TBC1D15: variants seen among roughly 807,000 people sequenced by gnomAD.
TBC1D15 encodes TBC1 domain family member 15, also known as GAP for RAB7.
A neutral mutation model predicts 95.4 loss-of-function variants in TBC1D15; 39 were observed. That is an observed-to-expected ratio of 0.41 (90% CI 0.32 to 0.53). TBC1D15 has a LOEUF of 0.53. Among genes scored for constraint, TBC1D15 ranks in the 20% least tolerant of loss-of-function variants. The pLI is 0.29. For missense variants in TBC1D15, 733 were observed against 794.3 expected (o/e 0.92, Z 0.93); for synonymous variants, 258 against 261.3 (o/e 0.99, Z 0.12).
chr12:71,898,570 G>A lies in TBC1D15; in HGVS notation c.1183+629G>A, dbSNP rs187687259. On this transcript the variant is annotated intron_variant, in intron 10 of 16. Coordinates refer to ENST00000485960, the MANE Select transcript of TBC1D15 (RefSeq NM_001146213.3). ...AATCTCCATTTACAAATGAGAAACT[G>A]AAGCATGGAGAACATAAATGACCTG... Among the ~76,000 whole-genome samples, 1,113 of 152,220 alleles carry A rather than the reference G, an allele frequency of 7.3e-3. 5 individuals carry two copies. Among genetic ancestry groups the A allele is most frequent in the Middle Eastern group, 0.02 (6 of 294 alleles).
At chr12:71,843,264 T>G (rs973811487) in intron 1 of TBC1D15, among the ~76,000 whole-genome samples, 1 of 152,092 alleles carries the variant, frequency 6.6e-6, no homozygotes, top group Non-Finnish European at 1.5e-5. Context: ...ATACTGTGTT[T>G]CAAAAAATGA....
chr12:71,880,737 T>C lies in TBC1D15; in HGVS notation c.343+130T>C. On this transcript the variant is annotated intron_variant, in intron 4 of 16. Transcript: ENST00000485960. ...AATTTCTTTGGTTAATAGGTATAAATCTCATATTTTAGTTATATTCCCTTT... is the reference window on the plus strand; with the variant it reads ...AATTTCTTTGGTTAATAGGTATAAACCTCATATTTTAGTTATATTCCCTTT... 5 of 1,043,192 alleles carry C rather than the reference T, an allele frequency of 4.8e-6. No individual in the cohort carries two copies. In the South Asian group the frequency reaches 1.4e-4, roughly 30 times the overall value. 64.6% of individuals were successfully genotyped at this position (1,043,192 alleles called of 1,614,324 possible).
chr12:71,857,275 G>T (rs1170588579), intron 1 of TBC1D15, among the ~76,000 whole-genome samples: 1 of 151,930 alleles, frequency 6.6e-6, no homozygotes, highest in Admixed American at 6.6e-5. Flanking sequence ...TTGCGTTAGA[G>T]ATCATGAATA....
intron 3 of TBC1D15, among the ~76,000 whole-genome samples, chr12:71,878,126 G>A (rs1035840609): frequency 2.0e-5 from 3 of 152,150 alleles, no homozygotes; most frequent in African/African-American, 7.2e-5. Context: ...AGCTTGGATG[G>A]CAGTATTCTG....
At chr12:71,908,429 G>A (rs914275391) in intron 11 of TBC1D15, among the ~76,000 whole-genome samples, 5 of 152,184 alleles carry the variant, frequency 3.3e-5, no homozygotes, top group Non-Finnish European at 7.4e-5. Context: ...AGTAACGCTT[G>A]AGACATCCTT....
At chr12:71,873,546 TTTTTTGTGTGAA>T (rs1565984529) in intron 3 of TBC1D15, among the ~76,000 whole-genome samples, 2 of 152,148 alleles carry the variant, frequency 1.3e-5, no homozygotes, top group East Asian at 3.8e-4. Flanking sequence ...CATGTGCAGG[TTTTTTGTGTGAA>T]CATGTTTTTA....
chr12:71,862,813 C>T (rs1229764481), intron 1 of TBC1D15, among the ~76,000 whole-genome samples: 3 of 152,138 alleles, frequency 2.0e-5, no homozygotes, highest in Non-Finnish European at 2.9e-5. Context: ...TCTGCTCTAG[C>T]AATGAGTTTT....
intron 3 of TBC1D15, among the ~76,000 whole-genome samples, chr12:71,878,226 T>C (rs944961548): frequency 1.3e-5 from 2 of 151,772 alleles, no homozygotes; most frequent in African/African-American, 4.8e-5. Context: ...CAGTATATTA[T>C]TCCTTTGCTC....
At chr12:71,869,470 C>T (rs1892205243) in intron 1 of TBC1D15, among the ~76,000 whole-genome samples, 1 of 152,164 alleles carries the variant, frequency 6.6e-6, no homozygotes, top group Non-Finnish European at 1.5e-5. Flanking sequence ...TTGCAGTGAG[C>T]TGAAATTGTG....
chr12:71,896,869 A>T (rs1337890725), intron 9 of TBC1D15, 89 bp downstream of exon 9: 1 of 914,666 alleles, frequency 1.1e-6, no homozygotes, highest in East Asian at 2.8e-5. Context: ...GAGGATTTGG[A>T]ATAGACTGGG....
chr12:71,840,424 A>G (rs923108491), intron 1 of TBC1D15, among the ~76,000 whole-genome samples: 1 of 152,160 alleles, frequency 6.6e-6, no homozygotes, highest in African/African-American at 2.4e-5. Flanking sequence ...AAGGCGTCCA[A>G]ATATTTATTT....
At chr12:71,915,995 G>A (rs553749892) in intron 12 of TBC1D15, among the ~76,000 whole-genome samples, 5 of 151,990 alleles carry the variant, frequency 3.3e-5, no homozygotes, top group Admixed American at 6.6e-5. Context: ...TGAACCTAAC[G>A]TCTGTAAATT....
chr12:71,865,907 T>C (rs1187415987), intron 1 of TBC1D15, among the ~76,000 whole-genome samples: 1 of 151,958 alleles, frequency 6.6e-6, no homozygotes, highest in East Asian at 1.9e-4. Context: ...GGACGGAAGG[T>C]GCCACTTCAG....
Position 71,921,433 on chromosome 12 carries a change from T to C in TBC1D15, c.1782T>C (p.Ser594=). 1 of 1,567,392 alleles carries C rather than the reference T, an allele frequency of 6.4e-7. No homozygotes were observed. Among genetic ancestry groups the C allele is most frequent in the Non-Finnish European group, 8.7e-7 (1 of 1,150,392 alleles). ...EDILCKAEAI[S]LQMVKCKELP... ...TACTCTGCAAGGCAGAAGCAATTTC[T>C]CTACAGATGGTAAAATGCAAGGTAT... Residue 594 remains serine, a synonymous_variant, in exon 16 of 17, where the codon TCT becomes TCC. Coordinates refer to ENST00000485960, the MANE Select transcript of TBC1D15 (RefSeq NM_001146213.3).
intron 14 of TBC1D15, among the ~76,000 whole-genome samples, chr12:71,919,382 T>C (rs1458707104): frequency 6.6e-6 from 1 of 152,086 alleles, no homozygotes. Context: ...GGTATAATGA[T>C]TGATCATACC....
chr12:71,899,179 GT>G (rs1898813845), intron 10 of TBC1D15, among the ~76,000 whole-genome samples: 1 of 152,114 alleles, frequency 6.6e-6, no homozygotes, highest in African/African-American at 2.4e-5. Context: ...AAGGATCAAT[GT>G]TGATGTCTCT....
Position 71,892,452 on chromosome 12 carries a change from AACTG to A in TBC1D15, c.555-766_555-763del, listed in dbSNP as rs543270078. Among the ~76,000 whole-genome samples the A allele has an allele frequency of 7.3e-4, 111 of 152,134 alleles. 1 individual carries two copies. The South Asian group carries it at 7.7e-3, about 11-fold the overall frequency. ...CATAGAAAATTTGTAGATTTATTAGAACTGACTAAGTCATAAAACTCACTAAATA... is the reference window on the plus strand; with the variant it reads ...CATAGAAAATTTGTAGATTTATTAGAACTAAGTCATAAAACTCACTAAATA... On this transcript the variant is annotated intron_variant, in intron 5 of 16. Coordinates refer to ENST00000485960, the MANE Select transcript of TBC1D15 (RefSeq NM_001146213.3).
At chr12:71,876,492 A>G (rs1893848571) in intron 3 of TBC1D15, among the ~76,000 whole-genome samples, 1 of 152,148 alleles carries the variant, frequency 6.6e-6, no homozygotes, top group African/African-American at 2.4e-5. Context: ...CCTTCTCACA[A>G]GCTTATCCTG....
chr12:71,842,483 A>G (rs1277476026), intron 1 of TBC1D15, among the ~76,000 whole-genome samples: 1 of 152,128 alleles, frequency 6.6e-6, no homozygotes, highest in Non-Finnish European at 1.5e-5. Context: ...TGCCCCTAAC[A>G]TAGATTCTGG....
Sources: allele counts gnomAD v4.1 joint callset (sites outside exome capture counted in the v4.1 genomes callset), GRCh38; gene constraint gnomAD v4.1.1; transcripts MANE v1.5; gene names NCBI Gene and HGNC (gene_info 2026-07-23, HGNC 2026-07-21).